Variants in SAMSN1 observed in about 807,000 individuals in gnomAD.
SAMSN1 encodes the protein SAM domain, SH3 domain and nuclear localization signals 1.
Under a neutral mutation model 42.0 loss-of-function variants are expected in SAMSN1, and 31 were observed. That is an observed-to-expected ratio of 0.74 (90% confidence interval 0.55 to 1.00). SAMSN1 has a LOEUF of 1.00. Among genes scored for constraint, SAMSN1 ranks in the 50% least tolerant of loss-of-function variants. SAMSN1 has a pLI of 0.00. For missense variants in SAMSN1, 464 were observed against 439.4 expected, an observed-to-expected ratio of 1.06 and a Z score of -0.50; for synonymous variants, 178 against 151.9, an observed-to-expected ratio of 1.17 and a Z score of -1.26.
chr21:14,526,680 A>ACT (rs1197108822), intron 1 of SAMSN1, among the ~76,000 whole-genome samples: 2 of 151,668 alleles, frequency 1.3e-5, no homozygotes, highest in Non-Finnish European at 1.5e-5. Context: ...ACTCTGATAT[A>ACT]CTCTCCCCTA....
At chr21:14,507,911 C>T (rs965905693) in intron 5 of SAMSN1, among the ~76,000 whole-genome samples, 10 of 150,612 alleles carry the variant, frequency 6.6e-5, no homozygotes, top group Admixed American at 1.3e-4. Context: ...ACATACTTAA[C>T]GGCCAACTGA....
intron 3 of SAMSN1, among the ~76,000 whole-genome samples, chr21:14,513,987 TC>T (rs1363445305): frequency 1.3e-5 from 2 of 152,158 alleles, no homozygotes; most frequent in African/African-American, 4.8e-5. Context: ...GCGGGACCCT[TC>T]TTTACTGACA....
At chr21:14,604,538 C>A (rs1293562488) in intron 5 of SAMSN1, among the ~76,000 whole-genome samples, 3 of 152,110 alleles carry the variant, frequency 2.0e-5, no homozygotes, top group Non-Finnish European at 4.4e-5. Flanking sequence ...CAGAGTGAGG[C>A]CTTGTCTCAA....
At chr21:14,594,244 A>T (rs1171691088) in intron 6 of SAMSN1, among the ~76,000 whole-genome samples, 1 of 152,194 alleles carries the variant, frequency 6.6e-6, no homozygotes, top group South Asian at 2.1e-4. Flanking sequence ...TTCATCAGTG[A>T]CTTCATCTGC....
At chr21:14,635,906 A>G (rs548280728) in intron 2 of SAMSN1, among the ~76,000 whole-genome samples, 3 of 151,938 alleles carry the variant, frequency 2.0e-5, no homozygotes, top group African/African-American at 4.8e-5. Flanking sequence ...GGTTTGCTGC[A>G]CCCATCAGCT....
At chr21:14,554,260 C>T (rs1980687269) in intron 2 of SAMSN1, among the ~76,000 whole-genome samples, 1 of 152,108 alleles carries the variant, frequency 6.6e-6, no homozygotes. Flanking sequence ...AATCCTGACT[C>T]TGTCATTTAC....
intron 5 of SAMSN1, among the ~76,000 whole-genome samples, chr21:14,606,844 C>T (rs1438582103): frequency 1.3e-5 from 2 of 152,118 alleles, no homozygotes; most frequent in Non-Finnish European, 2.9e-5. Context: ...TTGGTCTTAA[C>T]CTATATAGTA....
chr21:14,520,606 C>T (rs539198654), intron 2 of SAMSN1, among the ~76,000 whole-genome samples: 15 of 152,124 alleles, frequency 9.9e-5, no homozygotes, highest in Non-Finnish European at 1.9e-4. Context: ...AAACAGCCAA[C>T]GGTCCCTTGC....
intron 1 of SAMSN1, among the ~76,000 whole-genome samples, chr21:14,649,213 A>G (rs1363137655): frequency 7.0e-6 from 1 of 143,366 alleles, no homozygotes; most frequent in Non-Finnish European, 1.5e-5. Context: ...ATAGGTGGGA[A>G]TTGCACAATG....
intron 7 of SAMSN1, among the ~76,000 whole-genome samples, chr21:14,591,732 C>G (rs1011668969): frequency 1.3e-5 from 2 of 152,106 alleles, no homozygotes; most frequent in African/African-American, 2.4e-5. Context: ...GGTTATCTAA[C>G]AAAGCCATTT....
At chr21:14,597,587 A>G (rs961119104) in intron 6 of SAMSN1, among the ~76,000 whole-genome samples, 6 of 152,192 alleles carry the variant, frequency 3.9e-5, no homozygotes, top group Non-Finnish European at 7.3e-5. Flanking sequence ...AGCATTAGCA[A>G]AAGTGATTGT....
At chr21:14,532,277 C>T (rs1054183988) in intron 1 of SAMSN1, among the ~76,000 whole-genome samples, 2 of 152,162 alleles carry the variant, frequency 1.3e-5, no homozygotes, top group African/African-American at 4.8e-5. Context: ...TATCATAAAG[C>T]TTATAAACAT....
intron 5 of SAMSN1, among the ~76,000 whole-genome samples, chr21:14,605,437 A>G (rs1183636228): frequency 6.6e-6 from 1 of 152,212 alleles, no homozygotes; most frequent in Non-Finnish European, 1.5e-5. Flanking sequence ...TAGTTTGGCC[A>G]GAGTTAAATT....
chr21:14,492,610 G>A (rs182496091), intron 7 of SAMSN1, among the ~76,000 whole-genome samples: 17 of 152,188 alleles, frequency 1.1e-4, no homozygotes, highest in Middle Eastern at 6.8e-3. Flanking sequence ...CTATATATAC[G>A]GCCATTAGAG....
chr21:14,508,521 T>C (rs1987529584), intron 5 of SAMSN1, among the ~76,000 whole-genome samples: 1 of 152,182 alleles, frequency 6.6e-6, no homozygotes, highest in South Asian at 2.1e-4. Flanking sequence ...AGCTTACCCC[T>C]GCAAGTATGG....
intron 6 of SAMSN1, among the ~76,000 whole-genome samples, chr21:14,596,949 T>C (rs1982284371): frequency 6.6e-6 from 1 of 152,182 alleles, no homozygotes; most frequent in Non-Finnish European, 1.5e-5. Context: ...TAAAGTAATT[T>C]GTTATGCGTC....
intron 7 of SAMSN1, chr21:14,591,446 G>T (rs867689337): frequency 6.6e-6 from 1 of 152,140 alleles, no homozygotes; most frequent in Non-Finnish European, 1.5e-5. Flanking sequence ...ATCTGTTTCT[G>T]TTCCTGTCCC....
At chr21:14,561,661 A>C (rs1470607122) in intron 2 of SAMSN1, among the ~76,000 whole-genome samples, 1 of 152,152 alleles carries the variant, frequency 6.6e-6, no homozygotes, top group African/African-American at 2.4e-5. Flanking sequence ...TCAGAATGTG[A>C]CCCTCTTTGG....
chr21:14,575,597 C>T (rs1981433680), intron 2 of SAMSN1, among the ~76,000 whole-genome samples: 1 of 152,106 alleles, frequency 6.6e-6, no homozygotes, highest in African/African-American at 2.4e-5. Flanking sequence ...AGATGAAACA[C>T]AAGGATGTTA....
Sources: allele counts gnomAD v4.1 joint callset (sites outside exome capture counted in the v4.1 genomes callset), GRCh38; gene constraint gnomAD v4.1.1; transcripts MANE v1.5; gene names NCBI Gene and HGNC (gene_info 2026-07-23, HGNC 2026-07-21).